Variants in PMM2 observed in about 807,000 individuals in gnomAD.
PMM2 encodes the protein phosphomannomutase 2.
In PMM2, 35 loss-of-function variants were observed where a neutral mutation model predicts 33.2. That is an observed-to-expected ratio of 1.06 (90% CI 0.81 to 1.40). PMM2 has a LOEUF of 1.40. Ranked by LOEUF, PMM2 falls within the 40% of genes most tolerant of loss-of-function variation. The probability of loss-of-function intolerance (pLI) is 0.00; values close to 1 mark genes in which losing one functional copy is unlikely to be tolerated. For missense variants in PMM2, 386 were observed against 306.0 expected (o/e 1.26, Z -1.95); for synonymous variants, 153 against 114.7 (o/e 1.33, Z -2.13).
At chr16:8,829,114 G>A (rs1055431702) in intron 7 of PMM2, 2 of 152,218 alleles carry the variant, frequency 1.3e-5, no homozygotes, top group African/African-American at 4.8e-5. Context: ...AGTAGCTGGG[G>A]ATTTGTATTC....
chr16:8,843,257 A>G lies in PMM2; in HGVS notation c.640-4467A>G, dbSNP rs1386773323. Among the ~76,000 whole-genome samples, 8 of 152,140 alleles carry G rather than the reference A, an allele frequency of 5.3e-5. 1 individual carries two copies. The highest frequency in any genetic ancestry group is 5.2e-4 in the Admixed American group (8 of 15,272). On this transcript the variant is annotated intron_variant, in intron 7 of 7. Transcript: ENST00000268261. ...GGAGTGGGTAGTCCCCGTTTCGATT[A>G]AACAGTGGGTGGACTTACCCTCCAC...
intron 7 of PMM2, chr16:8,832,764 G>C (rs12921984): frequency 0.79 from 781,074 of 985,066 alleles, 309,793 homozygotes; most frequent in African/African-American, 0.83. Flanking sequence ...AATCCCAGGT[G>C]CTTACCACAA....
chr16:8,826,071 G>A (rs1025376216), intron 7 of PMM2, among the ~76,000 whole-genome samples: 5 of 152,046 alleles, frequency 3.3e-5, no homozygotes, highest in Admixed American at 3.3e-4. Flanking sequence ...CTATTATTTT[G>A]ATATATGGGC....
At chr16:8,843,186 C>G (rs537780900) in intron 7 of PMM2, among the ~76,000 whole-genome samples, 2 of 152,024 alleles carry the variant, frequency 1.3e-5, no homozygotes, top group African/African-American at 4.8e-5. Flanking sequence ...ATACCCACAA[C>G]AGTTATGGAG....
chr16:8,798,203 A>G (rs2060590727), intron 1 of PMM2, among the ~76,000 whole-genome samples: 1 of 152,228 alleles, frequency 6.6e-6, no homozygotes, highest in South Asian at 2.1e-4. Flanking sequence ...CTAGGTTGGA[A>G]AATGTAATCT....
At chr16:8,808,544 C>T (rs1464929955) in intron 4 of PMM2, 1 of 152,274 alleles carries the variant, frequency 6.6e-6, no homozygotes, top group African/African-American at 2.4e-5. Flanking sequence ...ACACTAACTA[C>T]ATGCCCCACA....
rs576927225 is a variant in PMM2 at position 8,840,367 on chromosome 16, C to G, written c.640-7357C>G. Among the ~76,000 whole-genome samples the G allele has an allele frequency of 8.6e-5, 13 of 151,986 alleles. No homozygotes were observed. In the East Asian group the frequency reaches 2.5e-3, roughly 29 times the overall value. On this transcript the variant is annotated intron_variant, in intron 7 of 7. Transcript: ENST00000268261. The stretch of plus-strand genomic sequence containing the variant: ...TGGGGATAGCACCAAGAGATATCAG[C>G]TGTGATGGCTTGAAGAAACAGTGTA...
intron 4 of PMM2, chr16:8,806,786 G>GACC (rs1272237790): frequency 7.2e-6 from 2 of 276,806 alleles, no homozygotes; most frequent in African/African-American, 4.4e-5. Context: ...AACCATTGAA[G>GACC]ACCATATGCT....
intron 7 of PMM2, among the ~76,000 whole-genome samples, chr16:8,844,527 G>A (rs1210576927): frequency 2.0e-5 from 3 of 152,160 alleles, no homozygotes; most frequent in African/African-American, 7.2e-5. Flanking sequence ...AAGGGGTAGA[G>A]ACACGGAAAG....
chr16:8,827,611 G>A (rs2060777030), intron 7 of PMM2, among the ~76,000 whole-genome samples: 1 of 147,040 alleles, frequency 6.8e-6, no homozygotes. Flanking sequence ...GGCCAGGCTG[G>A]TCTTGAACTC....
intron 2 of PMM2, 141 bp from the exon 3 acceptor site, chr16:8,804,626 C>A (rs1339177748): frequency 2.9e-6 from 2 of 689,940 alleles, no homozygotes; most frequent in East Asian, 5.4e-5. Context: ...CCATACTCTT[C>A]TCTTAGTCTG....
At chr16:8,813,542 C>T (rs2060689820) in intron 7 of PMM2, among the ~76,000 whole-genome samples, 1 of 152,140 alleles carries the variant, frequency 6.6e-6, no homozygotes, top group African/African-American at 2.4e-5. Context: ...TCTCATGAGC[C>T]TGAAACAGGA....
chr16:8,805,257 AG>A (rs1158336977), intron 3 of PMM2, among the ~76,000 whole-genome samples: 1 of 152,040 alleles, frequency 6.6e-6, no homozygotes, highest in Admixed American at 6.5e-5. Flanking sequence ...TGGTAGAGAC[AG>A]GGTTTCACCA....
At chr16:8,824,835 C>T (rs1446820673) in intron 7 of PMM2, among the ~76,000 whole-genome samples, 2 of 152,160 alleles carry the variant, frequency 1.3e-5, no homozygotes, top group East Asian at 3.8e-4. Context: ...GAAGACTCAG[C>T]TTTCTAAACA....
At chr16:8,802,605 G>T (rs913560545) in intron 2 of PMM2, among the ~76,000 whole-genome samples, 7 of 152,050 alleles carry the variant, frequency 4.6e-5, no homozygotes, top group African/African-American at 1.7e-4. Context: ...GAGGCGGATG[G>T]ATCACCTGAG....
chr16:8,834,056 G>C (rs374833127), intron 7 of PMM2, among the ~76,000 whole-genome samples: 1 of 152,126 alleles, frequency 6.6e-6, no homozygotes, highest in African/African-American at 2.4e-5. Context: ...CACAGTCTAA[G>C]TTGGTCTGGT....
chr16:8,827,718 GCATATATATATA>G lies in PMM2; in HGVS notation c.639+14613_639+14624del, dbSNP rs1386076909. Among the ~76,000 whole-genome samples the G allele has an allele frequency of 1.6e-4, 7 of 42,824 alleles. 1 individual carries two copies. The highest frequency in any genetic ancestry group is 7.7e-4 in the African/African-American group (7 of 9,064). 28.1% of individuals were successfully genotyped at this position (42,824 alleles called of 152,430 possible). On this transcript the variant is annotated intron_variant, in intron 7 of 7. Coordinates refer to ENST00000268261, the MANE Select transcript of PMM2 (RefSeq NM_000303.3). ...GCCCACAAAGGCCTTTTAAATGTGT[GCATATATATATA>G]TATATATATATATATATATATATAT... is the stretch of plus-strand genomic sequence containing the variant.
At chr16:8,832,885 C>T (rs2060819256) in intron 7 of PMM2, 1 of 985,286 alleles carries the variant, frequency 1.0e-6, no homozygotes, top group South Asian at 4.7e-5. Context: ...TGCCAGGGTT[C>T]CCTCACCCTC....
At chr16:8,835,749 T>G (rs532253257) in intron 7 of PMM2, among the ~76,000 whole-genome samples, 2 of 151,952 alleles carry the variant, frequency 1.3e-5, no homozygotes, top group South Asian at 2.1e-4. Flanking sequence ...TTAATCCTTT[T>G]AAAGCGTGCC....
Sources: gnomAD v4.1 joint callset for allele counts (sites outside exome capture counted in the v4.1 genomes callset) on GRCh38, gnomAD v4.1.1 for gene constraint, MANE v1.5 for transcripts, NCBI Gene and HGNC (gene_info 2026-07-23, HGNC 2026-07-21) for gene names.